Variants in NLGN1 observed in about 807,000 individuals in gnomAD.
The protein encoded by NLGN1 is neuroligin-1.
Under a neutral mutation model 65.5 loss-of-function variants are expected in NLGN1, and 12 were observed. The ratio of observed to expected loss-of-function variants is 0.18; its 90% CI spans 0.12 to 0.30. The LOEUF (loss-of-function observed/expected upper bound fraction) is 0.30, where lower values mean the gene tolerates loss of function less well. Ranked by LOEUF, NLGN1 falls within the 10% of genes least tolerant of loss-of-function variation. The probability of loss-of-function intolerance (pLI) is 1.00; values close to 1 mark genes in which losing one functional copy is unlikely to be tolerated. For missense variants in NLGN1, 750 were observed against 1,007.1 expected (o/e 0.74, Z 3.46); for synonymous variants, 350 against 359.5 (o/e 0.97, Z 0.30).
chr3:174,098,984 G>A (rs1257278198), intron 4 of NLGN1, among the ~76,000 whole-genome samples: 1 of 152,122 alleles, frequency 6.6e-6, no homozygotes, highest in Non-Finnish European at 1.5e-5. Flanking sequence ...CAATGAAAAT[G>A]CCACAAAATT....
intron 4 of NLGN1, among the ~76,000 whole-genome samples, chr3:174,154,140 A>G (rs988172760): frequency 6.6e-6 from 1 of 152,114 alleles, no homozygotes; most frequent in African/African-American, 2.4e-5. Context: ...ATCTAGAACT[A>G]TCATCATTCT....
At chr3:173,446,047 C>T (rs1239918719) in intron 2 of NLGN1, among the ~76,000 whole-genome samples, 2 of 151,116 alleles carry the variant, frequency 1.3e-5, no homozygotes, top group African/African-American at 4.8e-5. Context: ...CTTCTTTTTT[C>T]TTTTCTTTTT....
intron 3 of NLGN1, among the ~76,000 whole-genome samples, chr3:173,786,176 A>G (rs920040362): frequency 6.6e-6 from 1 of 152,224 alleles, no homozygotes; most frequent in African/African-American, 2.4e-5. Flanking sequence ...TCTAGAGAAC[A>G]GAATTTTATT....
intron 4 of NLGN1, among the ~76,000 whole-genome samples, chr3:173,926,168 T>C (rs1408532215): frequency 2.0e-5 from 3 of 152,016 alleles, no homozygotes; most frequent in Non-Finnish European, 4.4e-5. Context: ...TATTTTTTTT[T>C]CTGTTTTCAT....
chr3:173,987,375 G>A (rs1357456229), intron 4 of NLGN1, among the ~76,000 whole-genome samples: 2 of 152,180 alleles, frequency 1.3e-5, no homozygotes, highest in Non-Finnish European at 2.9e-5. Flanking sequence ...TCAACTGTGA[G>A]AATGTTACAA....
At chr3:173,604,249 C>A in intron 2 of NLGN1, 30 bp from the exon 2 acceptor site, 1 of 238,880 alleles carries the variant, frequency 4.2e-6, no homozygotes, top group South Asian at 8.0e-5. Context: ...TAGCTTGTTC[C>A]AGCTCATGAT....
At chr3:173,486,100 A>C (rs1728133364) in intron 2 of NLGN1, among the ~76,000 whole-genome samples, 1 of 152,094 alleles carries the variant, frequency 6.6e-6, no homozygotes. Flanking sequence ...GCTGCAGTAC[A>C]GTGGCGTGAT....
At position 173,836,783 on chromosome 3, in the gene NLGN1, A is replaced by G. The variant is rs138638276; in HGVS notation, c.646+28951A>G. On this transcript the variant is annotated intron_variant, in intron 4 of 6. Coordinates refer to ENST00000457714, the Ensembl canonical transcript of NLGN1. Reference sequence around the variant, plus strand: ...TTCTATATTCACAAAGTCTGGTACAATCTTATCAGTGGAATCAAAAGTTAG... The same window carrying G: ...TTCTATATTCACAAAGTCTGGTACAGTCTTATCAGTGGAATCAAAAGTTAG... 2.2e-4 allele frequency among the ~76,000 whole-genome samples: 34 copies of G among 152,342 alleles called. No homozygotes were observed. In the Middle Eastern group the frequency reaches 0.01, roughly 46 times the overall value.
chr3:173,612,119 T>C (rs1035149349), intron 3 of NLGN1, among the ~76,000 whole-genome samples: 2 of 152,038 alleles, frequency 1.3e-5, no homozygotes, highest in Non-Finnish European at 2.9e-5. Context: ...TGGCAGGACA[T>C]GCTAACGTAG....
chr3:173,847,173 A>G (rs182230324), intron 4 of NLGN1, among the ~76,000 whole-genome samples: 3 of 152,324 alleles, frequency 2.0e-5, no homozygotes, highest in Non-Finnish European at 1.5e-5. Flanking sequence ...TGAAATGATG[A>G]ACTTTCCAGA....
intron 4 of NLGN1, among the ~76,000 whole-genome samples, chr3:174,126,639 C>T (rs1718991532): frequency 6.6e-6 from 1 of 152,004 alleles, no homozygotes; most frequent in Non-Finnish European, 1.5e-5. Context: ...CTTGCCTTAA[C>T]CTGGGACTGA....
intron 2 of NLGN1, among the ~76,000 whole-genome samples, chr3:173,582,526 A>C (rs80035668): frequency 0.011 from 1,698 of 152,056 alleles, 37 homozygotes; most frequent in African/African-American, 0.039. Flanking sequence ...CATTATTTTG[A>C]ATTGCATTTC....
intron 3 of NLGN1, among the ~76,000 whole-genome samples, chr3:173,707,306 C>T (rs920845757): frequency 2.6e-5 from 4 of 152,082 alleles, no homozygotes; most frequent in African/African-American, 9.7e-5. Context: ...GACATGCAGT[C>T]AGAGAATTTG....
chr3:173,598,800 T>C (rs1025800346), intron 2 of NLGN1, among the ~76,000 whole-genome samples: 1 of 152,168 alleles, frequency 6.6e-6, no homozygotes, highest in Non-Finnish European at 1.5e-5. Flanking sequence ...TCCTGGGATG[T>C]GCCATTGGAA....
At chr3:174,259,855 C>A (rs1746525857) in intron 4 of NLGN1, among the ~76,000 whole-genome samples, 1 of 129,334 alleles carries the variant, frequency 7.7e-6, no homozygotes, top group Non-Finnish European at 1.6e-5. Context: ...CCACCACAGT[C>A]CCCAGAGTGT....
chr3:174,262,035 C>G (rs1747028698), intron 4 of NLGN1, among the ~76,000 whole-genome samples: 1 of 136,450 alleles, frequency 7.3e-6, no homozygotes, highest in Non-Finnish European at 1.5e-5. Context: ...GGATGAAGCC[C>G]ACTTGATCAT....
intron 3 of NLGN1, among the ~76,000 whole-genome samples, chr3:173,683,590 A>T (rs1764272807): frequency 6.6e-6 from 1 of 152,170 alleles, no homozygotes; most frequent in South Asian, 2.1e-4. Context: ...TTCCCATGGT[A>T]ATCAAAAACA....
chr3:173,922,419 C>A (rs1230908909), intron 4 of NLGN1, among the ~76,000 whole-genome samples: 1 of 152,000 alleles, frequency 6.6e-6, no homozygotes, highest in Non-Finnish European at 1.5e-5. Flanking sequence ...AGAAATATAG[C>A]TCAAATTTTT....
intron 3 of NLGN1, among the ~76,000 whole-genome samples, chr3:173,640,600 C>G (rs551500436): frequency 6.6e-6 from 1 of 152,098 alleles, no homozygotes; most frequent in South Asian, 2.1e-4. Flanking sequence ...AACATAGAGT[C>G]CATATTTAAA....
Sources: allele counts gnomAD v4.1 joint callset (sites outside exome capture counted in the v4.1 genomes callset), GRCh38; gene constraint gnomAD v4.1.1; transcripts MANE v1.5; gene names NCBI Gene and HGNC (gene_info 2026-07-23, HGNC 2026-07-21).